The following HEATR4 variants were observed in gnomAD, a reference collection of about 807,000 sequenced individuals.
HEATR4 encodes the protein HEAT repeat containing 4, also known as HEAT repeat-containing protein 4.
A neutral mutation model predicts 108.8 loss-of-function variants in HEATR4; 95 were observed. That is an observed-to-expected ratio of 0.87 (90% CI 0.74 to 1.04). The LOEUF (loss-of-function observed/expected upper bound fraction) is 1.04. Among genes scored for constraint, HEATR4 ranks in the 50% least tolerant of loss-of-function variants. The pLI, the probability that HEATR4 is intolerant of heterozygous loss-of-function variation, is 0.00. For missense variants in HEATR4, 1,152 were observed against 1,253.8 expected (o/e 0.92, Z 1.23); for synonymous variants, 443 against 459.4 (o/e 0.96, Z 0.46).
At chr14:73,579,573 C>CAAAA in the HEATR4 span, among the ~76,000 whole-genome samples, 1 of 56,206 alleles carries the variant, frequency 1.8e-5, no homozygotes, top group African/African-American at 7.8e-5. Context: ...AAAGCCGTCT[C>CAAAA]AAAAAAAAAA....
In HEATR4 at chr14:73,492,683, GC is replaced by G. The variant is rs748415685; in HGVS notation, c.2844+382del. 6.2e-7 allele frequency: 1 copy of G among 1,614,022 alleles called. No individual in the cohort carries two copies. The highest frequency in any genetic ancestry group is 8.5e-7 in the Non-Finnish European group (1 of 1,179,892). Reference sequence around the variant, plus strand: ...AGTCCATATGCTTCAGGATGGGATAGCTCGGCTGGTGGGTGAGGGGGGCCAT... The same window carrying G: ...AGTCCATATGCTTCAGGATGGGATAGTCGGCTGGTGGGTGAGGGGGGCCAT... On this transcript the variant is annotated intron_variant, in intron 17 of 17. Coordinates refer to ENST00000553558, the MANE Select transcript of HEATR4 (RefSeq NM_001220484.1). This position sits in a 1 kb window ranked among gnomAD's most constrained non-coding sequence, Gnocchi z 4.9.
At position 73,499,886 on chromosome 14, in the gene HEATR4, C is replaced by T. The variant is rs11845530; in HGVS notation, c.2286+664G>A. On this transcript the variant is annotated intron_variant, in intron 12 of 17. Transcript: ENST00000553558. ...AAACCAAGCTTGTCCAACATGTGGCCTAGGACAACTTGGAATGCGGCCCAA... is the reference window on the plus strand; with the variant it reads ...AAACCAAGCTTGTCCAACATGTGGCTTAGGACAACTTGGAATGCGGCCCAA... 2.9e-3 allele frequency among the ~76,000 whole-genome samples: 437 copies of T among 152,270 alleles called. 3 individuals are homozygous for T. Among genetic ancestry groups the T allele is most frequent in the African/African-American group, 0.01 (425 of 41,562 alleles).
rs112681526 is a variant in HEATR4, at chr14:73,558,555, T to C, written c.-152+196A>G. 4.1e-3 allele frequency among the ~76,000 whole-genome samples: 561 copies of C among 138,514 alleles called. 2 individuals carry two copies. The highest frequency in any genetic ancestry group is 0.011 in the South Asian group (44 of 3,938). The allele number at this position is 138,514 out of a possible 152,430, so 90.9% of individuals were successfully genotyped here. On this transcript the variant is annotated intron_variant, in intron 1 of 17. Coordinates refer to ENST00000553558, the MANE Select transcript of HEATR4 (RefSeq NM_001220484.1). ...TTTTTTTGTAGAGATAGAGTCTCAC[T>C]ATGTTGCTCAGGCTGGTCTTGAACT...
At position 73,506,582 on chromosome 14, in the gene HEATR4, G is replaced by A. The variant is rs1202727235; in HGVS notation, c.1882-11C>T. On this transcript the variant is annotated splice_polypyrimidine_tract_variant and intron_variant, in intron 9 of 17. Transcript: ENST00000553558. ...GGTGTGTATCAGGGTCTGAGGAAAT[G>A]GAAGACTTGTATGGATATTCACAAT... 3 of 1,593,622 alleles carry A rather than the reference G, an allele frequency of 1.9e-6. No individual in the cohort carries two copies. The highest frequency in any genetic ancestry group is 2.6e-6 in the Non-Finnish European group (3 of 1,163,000).
Position 73,509,368 on chromosome 14 carries a change from G to T in HEATR4, c.1664C>A (p.Ala555Asp). 6.8e-6 allele frequency: 11 copies of T among 1,614,050 alleles called. No homozygotes were observed. The highest frequency in any genetic ancestry group is 9.3e-6 in the Non-Finnish European group (11 of 1,179,988). Residue 555 changes from alanine to aspartate, a missense_variant, in exon 8 of 18, where the codon GCC becomes GAC. Physicochemically the swap from Ala to Asp is moderately radical, Grantham distance 126. Transcript: ENST00000553558. ...VRMAAAICQY[A>D]IQSHNPLARN... ...GGCAAGGGGATTATGTGACTGTATG[G>T]CATATTGGCATATTGCTGCTGCCAT...
At position 73,524,067 on chromosome 14, in the gene HEATR4, G is replaced by A. The variant is rs1225634663; in HGVS notation, c.-72-843C>T. Among the ~76,000 whole-genome samples the A allele has an allele frequency of 5.3e-5, 8 of 151,794 alleles. No homozygotes were observed. The East Asian group carries it at 1.4e-3, about 26-fold the overall frequency. On this transcript the variant is annotated intron_variant, in intron 2 of 17. Coordinates refer to ENST00000553558, the MANE Select transcript of HEATR4 (RefSeq NM_001220484.1). The stretch of plus-strand genomic sequence containing the variant: ...GCACTTTGGGAGGCCGAGGTGGGTG[G>A]GTCACCTGAGGTCTGGAGTTTGAGA...
the HEATR4 span, among the ~76,000 whole-genome samples, chr14:73,604,160 A>ATTTTTTT: frequency 2.2e-5 from 2 of 91,410 alleles, no homozygotes; most frequent in African/African-American, 9.0e-5. Context: ...TCATTTGCTA[A>ATTTTTTT]TTTCTTTTTT....
chr14:73,522,434 T>C lies in HEATR4; in HGVS notation c.719A>G (p.Gln240Arg), dbSNP rs745896107. The change falls in exon 3 of 18, where the codon CAG becomes CGG. Residue 240 changes from glutamine (Q) to arginine (R), a missense_variant. Physicochemically the swap from Gln to Arg is conservative, Grantham distance 43. Transcript: ENST00000553558. ...ATCCCGAATGTGACTCCAGTCGTAC[T>C]GCTGGCGCAGGAAGCTCTGCCACTT... ...PNKWQSFLRQ[Q>R]YDWSHIRDEL... 1 of 1,614,266 alleles carries C rather than the reference T, an allele frequency of 6.2e-7. No individual in the cohort carries two copies. Among genetic ancestry groups the C allele is most frequent in the Non-Finnish European group, 8.5e-7 (1 of 1,180,048 alleles).
intron 13 of HEATR4, among the ~76,000 whole-genome samples, chr14:73,498,870 T>C (rs1014087): frequency 0.14 from 21,346 of 152,216 alleles, 1,706 homozygotes; most frequent in East Asian, 0.3. Context: ...TAACTTAAGT[T>C]TGACATATAC....
chr14:73,536,741 A>G (rs1888875725), intron 1 of HEATR4, among the ~76,000 whole-genome samples: 1 of 114,050 alleles, frequency 8.8e-6, no homozygotes, highest in Non-Finnish European at 1.9e-5. Context: ...TGTAAGGAAT[A>G]AAGCTCAGAG....
chr14:73,483,241 A>G (rs1348089971), intron 17 of HEATR4, among the ~76,000 whole-genome samples: 1 of 152,156 alleles, frequency 6.6e-6, no homozygotes, highest in Non-Finnish European at 1.5e-5. Context: ...TATACTAATA[A>G]TAATTGTAAT....
the HEATR4 span, chr14:73,595,000 C>A: frequency 6.3e-7 from 1 of 1,597,564 alleles, no homozygotes; most frequent in Non-Finnish European, 8.5e-7. Context: ...CCACCGCACC[C>A]AATCTGGATA....
In HEATR4 at chr14:73,510,799, T is replaced by C. The variant is rs559312504; in HGVS notation, c.1558+1207A>G. Among the ~76,000 whole-genome samples, 10 of 152,250 alleles carry C rather than the reference T, an allele frequency of 6.6e-5. No individual in the cohort carries two copies. The South Asian group carries it at 8.3e-4, about 13-fold the overall frequency. On this transcript the variant is annotated intron_variant, in intron 7 of 17. Coordinates refer to ENST00000553558, the MANE Select transcript of HEATR4 (RefSeq NM_001220484.1). ...GAGTCTTGGGGACAGCACAGGAGCA[T>C]GTTGTTTATTCACTGGGTGAATTTA... is the stretch of plus-strand genomic sequence containing the variant.
intron 17 of HEATR4, chr14:73,491,016 C>G (rs1382529744): frequency 6.7e-7 from 1 of 1,492,918 alleles, no homozygotes; most frequent in Non-Finnish European, 9.0e-7. Flanking sequence ...TGTGGTCTGG[C>G]CATGGATGGG....
At chr14:73,611,901 G>A in the HEATR4 span, among the ~76,000 whole-genome samples, 4 of 152,024 alleles carry the variant, frequency 2.6e-5, 1 homozygote, top group South Asian at 8.3e-4. Context: ...TTCTCCAAGG[G>A]GTCACCTGAG....
upstream of HEATR4, among the ~76,000 whole-genome samples, chr14:73,559,307 TG>T (rs1889468044): frequency 6.6e-6 from 1 of 151,696 alleles, no homozygotes; most frequent in Admixed American, 6.6e-5. Flanking sequence ...TTAGTAGAGA[TG>T]GGGTTTCACC....
the HEATR4 span, among the ~76,000 whole-genome samples, chr14:73,565,856 G>A: frequency 1.3e-5 from 2 of 152,080 alleles, no homozygotes; most frequent in East Asian, 1.9e-4. Flanking sequence ...AGTTTCCACA[G>A]TGTGGAAGGG....
chr14:73,567,377 T>TG, the HEATR4 span, among the ~76,000 whole-genome samples: 1 of 152,106 alleles, frequency 6.6e-6, no homozygotes, highest in Non-Finnish European at 1.5e-5. Context: ...GGTGGGGACT[T>TG]GGAGAACTTT....
At chr14:73,506,389 T>A in intron 10 of HEATR4, 78 bp downstream of exon 10, 1 of 948,458 alleles carries the variant, frequency 1.1e-6, no homozygotes, top group Non-Finnish European at 1.7e-6. Flanking sequence ...GAATAATACA[T>A]AGCAGCAAAA....
Sources: allele counts gnomAD v4.1 joint callset (sites outside exome capture counted in the v4.1 genomes callset), GRCh38; gene constraint gnomAD v4.1.1; non-coding constraint Gnocchi (gnomAD v3.1); transcripts MANE v1.5; gene names NCBI Gene and HGNC (gene_info 2026-07-23, HGNC 2026-07-21).